Variants in GRID2 observed in about 807,000 individuals in gnomAD.
GRID2 encodes the protein glutamate ionotropic receptor delta type subunit 2.
In GRID2, 33 loss-of-function variants were observed where a neutral mutation model predicts 114.8. The observed-to-expected ratio is 0.29, with a 90% CI of 0.22 to 0.38. The LOEUF is 0.38. GRID2 is among the 10% of genes least tolerant of loss of function. GRID2 has a pLI of 1.00. For missense variants in GRID2, 1,184 were observed against 1,257.7 expected, an observed-to-expected ratio of 0.94 and a Z score of 0.89; for synonymous variants, 505 against 449.9, an observed-to-expected ratio of 1.12 and a Z score of -1.55.
chr4:92,965,807 A>T (rs369688961), intron 2 of GRID2, among the ~76,000 whole-genome samples: 3 of 152,068 alleles, frequency 2.0e-5, no homozygotes, highest in Admixed American at 2.0e-4. Flanking sequence ...AAATTCCCAG[A>T]TGACGAAATT....
chr4:93,619,841 G>A (rs868230481), intron 13 of GRID2, among the ~76,000 whole-genome samples: 6 of 152,132 alleles, frequency 3.9e-5, no homozygotes, highest in South Asian at 2.1e-4. Context: ...GGCCCTTGCC[G>A]TAAACTACAT....
intron 2 of GRID2, among the ~76,000 whole-genome samples, chr4:92,847,820 ACTTT>A (rs1364216993): frequency 1.3e-5 from 2 of 152,046 alleles, no homozygotes; most frequent in African/African-American, 2.4e-5. Flanking sequence ...TGTTCCATTT[ACTTT>A]CTTTTTTAAA....
chr4:92,910,214 A>AT (rs1372366132), intron 2 of GRID2, among the ~76,000 whole-genome samples: 2 of 152,136 alleles, frequency 1.3e-5, no homozygotes, highest in East Asian at 3.9e-4. Flanking sequence ...AAAAATAAAA[A>AT]TAAAAAAAAA....
At chr4:93,351,265 T>G (rs1005082111) in intron 8 of GRID2, among the ~76,000 whole-genome samples, 1 of 152,118 alleles carries the variant, frequency 6.6e-6, no homozygotes, top group Non-Finnish European at 1.5e-5. Flanking sequence ...AGTTATTTAG[T>G]TGGTAGAGAG....
intron 14 of GRID2, among the ~76,000 whole-genome samples, chr4:93,685,895 A>G (rs553643436): frequency 6.6e-6 from 1 of 152,092 alleles, no homozygotes; most frequent in South Asian, 2.1e-4. Flanking sequence ...TAATTTCTGT[A>G]TGTTCTCAGC....
intron 14 of GRID2, among the ~76,000 whole-genome samples, chr4:93,728,884 G>A (rs575219601): frequency 3.4e-4 from 51 of 152,232 alleles, no homozygotes; most frequent in Non-Finnish European, 6.3e-4. Flanking sequence ...GTGTGTCTCT[G>A]CATGTGAGAT....
chr4:93,684,394 T>G (rs559262196), intron 14 of GRID2, among the ~76,000 whole-genome samples: 2 of 152,302 alleles, frequency 1.3e-5, no homozygotes, highest in Admixed American at 1.3e-4. Flanking sequence ...AATATATTGA[T>G]GCTGAAGGAC....
intron 4 of GRID2, among the ~76,000 whole-genome samples, chr4:93,148,033 G>A (rs536085073): frequency 3.9e-5 from 6 of 152,116 alleles, no homozygotes; most frequent in Admixed American, 2.6e-4. Flanking sequence ...TGCTTCACAG[G>A]TGTTACCTGA....
At chr4:92,385,875 C>CGTGT (rs746827198) in intron 1 of GRID2, among the ~76,000 whole-genome samples, 8 of 137,828 alleles carry the variant, frequency 5.8e-5, no homozygotes, top group Admixed American at 1.5e-4. Flanking sequence ...ATATAATATA[C>CGTGT]GTGTGTGTGT....
At chr4:93,608,057 T>TATATATAC (rs1012379737) in intron 13 of GRID2, among the ~76,000 whole-genome samples, 1 of 148,900 alleles carries the variant, frequency 6.7e-6, no homozygotes. Context: ...TATATATATA[T>TATATATAC]ACGTATATAA....
intron 1 of GRID2, among the ~76,000 whole-genome samples, chr4:92,506,437 G>A (rs1225317505): frequency 3.9e-5 from 6 of 151,910 alleles, no homozygotes; most frequent in African/African-American, 7.2e-5. Context: ...GTGAAAGAGG[G>A]AAGCTGTTTT....
intron 13 of GRID2, among the ~76,000 whole-genome samples, chr4:93,560,163 C>CA (rs1167819677): frequency 3.9e-5 from 5 of 127,502 alleles, no homozygotes; most frequent in Non-Finnish European, 6.2e-5. Context: ...ACCGCCATGG[C>CA]AAGTGTGTAC....
At chr4:92,928,502 A>T (rs182347962) in intron 2 of GRID2, among the ~76,000 whole-genome samples, 1 of 151,778 alleles carries the variant, frequency 6.6e-6, no homozygotes, top group Non-Finnish European at 1.5e-5. Context: ...ACTATAAAGT[A>T]TACAGTGAAT....
chr4:92,341,340 G>T (rs774406014), intron 1 of GRID2, among the ~76,000 whole-genome samples: 12 of 152,132 alleles, frequency 7.9e-5, no homozygotes, highest in Non-Finnish European at 1.6e-4. Context: ...TGGATCACTT[G>T]CTAGTTTAGA....
At chr4:93,031,544 GA>G (rs1407446970) in intron 2 of GRID2, among the ~76,000 whole-genome samples, 1 of 152,054 alleles carries the variant, frequency 6.6e-6, no homozygotes, top group Non-Finnish European at 1.5e-5. Flanking sequence ...GTCGTGGGAG[GA>G]ATTGAATCAT....
chr4:93,126,925 T>C (rs1233044049), intron 4 of GRID2, among the ~76,000 whole-genome samples: 2 of 152,164 alleles, frequency 1.3e-5, no homozygotes, highest in Admixed American at 6.5e-5. Flanking sequence ...TTTGTTCTCA[T>C]GAAGTTTTTA....
intron 2 of GRID2, among the ~76,000 whole-genome samples, chr4:92,918,888 C>A (rs931666367): frequency 5.9e-5 from 9 of 152,122 alleles, no homozygotes; most frequent in African/African-American, 1.7e-4. Context: ...GGAAGATTCC[C>A]TCTTTTTCTA....
chr4:92,611,082 GTGTATATA>G (rs1560488027), intron 2 of GRID2, among the ~76,000 whole-genome samples: 3 of 136,462 alleles, frequency 2.2e-5, no homozygotes, highest in Admixed American at 7.4e-5. Context: ...ATATATATGT[GTGTATATA>G]TATGTGTGTG....
At chr4:92,953,923 G>A (rs999154266) in intron 2 of GRID2, among the ~76,000 whole-genome samples, 1 of 151,744 alleles carries the variant, frequency 6.6e-6, no homozygotes, top group Admixed American at 6.6e-5. Context: ...TATCATATTG[G>A]AATAATTATT....
Sources: allele counts gnomAD v4.1 joint callset (sites outside exome capture counted in the v4.1 genomes callset), GRCh38; gene constraint gnomAD v4.1.1; transcripts MANE v1.5; gene names NCBI Gene and HGNC (gene_info 2026-07-23, HGNC 2026-07-21).